TRIM9: variants seen among roughly 807,000 people sequenced by gnomAD.
TRIM9 encodes tripartite motif containing 9.
In TRIM9, 26 loss-of-function variants were observed where a neutral mutation model predicts 78.3. The ratio of observed to expected loss-of-function variants is 0.33; its 90% CI spans 0.24 to 0.46. The LOEUF is 0.46. TRIM9 is among the 20% of genes least tolerant of loss of function. The pLI is 1.00. For missense variants in TRIM9, 787 were observed against 1,036.4 expected (o/e 0.76, Z 3.30); for synonymous variants, 398 against 416.5 (o/e 0.96, Z 0.54).
intron 3 of TRIM9, among the ~76,000 whole-genome samples, chr14:51,020,252 G>C (rs1398736647): frequency 6.6e-6 from 1 of 152,188 alleles, no homozygotes; most frequent in Non-Finnish European, 1.5e-5. Context: ...TGACAAGAAA[G>C]GGAAAAGGCA....
chr14:51,063,700 AAAAC>A (rs2061521274), intron 1 of TRIM9, among the ~76,000 whole-genome samples: 1 of 152,170 alleles, frequency 6.6e-6, no homozygotes, highest in Non-Finnish European at 1.5e-5. Flanking sequence ...TTAAAATACT[AAAAC>A]AAAAATAAAA....
intron 1 of TRIM9, among the ~76,000 whole-genome samples, chr14:51,054,436 CTGTTTTT>C (rs1181505579): frequency 1.3e-5 from 1 of 78,190 alleles, no homozygotes; most frequent in Non-Finnish European, 2.6e-5. Context: ...CCATGCCCAG[CTGTTTTT>C]TGTATTTTTT....
At chr14:51,013,741 T>C (rs905037956) in intron 3 of TRIM9, among the ~76,000 whole-genome samples, 4 of 152,244 alleles carry the variant, frequency 2.6e-5, no homozygotes, top group Non-Finnish European at 5.9e-5. Flanking sequence ...TATGTTGGTC[T>C]GGGCTCAATG....
chr14:51,034,595 C>T (rs895416549), intron 1 of TRIM9, among the ~76,000 whole-genome samples: 2 of 152,132 alleles, frequency 1.3e-5, no homozygotes, highest in African/African-American at 4.8e-5. Context: ...AACGCAGTTT[C>T]ACCTCGGGAA....
chr14:51,089,244 A>T (rs2064082013), intron 1 of TRIM9: 1 of 152,232 alleles, frequency 6.6e-6, no homozygotes, highest in Non-Finnish European at 1.5e-5. Flanking sequence ...TAAAACTGAT[A>T]AACAAATGAT....
chr14:51,000,908 A>G, intron 5 of TRIM9, 68 bp from the exon 6 acceptor site: 1 of 1,581,176 alleles, frequency 6.3e-7, no homozygotes, highest in East Asian at 2.2e-5. Context: ...TAGAATGACA[A>G]GCATCCCCCT....
chr14:50,977,667 A>G (rs921401047), intron 12 of TRIM9, among the ~76,000 whole-genome samples: 3 of 152,164 alleles, frequency 2.0e-5, no homozygotes, highest in Non-Finnish European at 4.4e-5. Flanking sequence ...AGAGGAGCCT[A>G]CTGGCCACAC....
intron 7 of TRIM9, among the ~76,000 whole-genome samples, chr14:50,994,124 G>A (rs2053892442): frequency 6.6e-6 from 1 of 152,216 alleles, no homozygotes; most frequent in Non-Finnish European, 1.5e-5. Context: ...AAGGCAGGTA[G>A]GGGCTACATG....
chr14:51,038,466 C>T (rs985004308), intron 1 of TRIM9, among the ~76,000 whole-genome samples: 1 of 152,116 alleles, frequency 6.6e-6, no homozygotes, highest in Non-Finnish European at 1.5e-5. Context: ...TGGCGGTGGT[C>T]GGATTGCTTC....
chr14:51,066,413 T>A (rs1464843296), intron 1 of TRIM9, among the ~76,000 whole-genome samples: 1 of 152,194 alleles, frequency 6.6e-6, no homozygotes, highest in Non-Finnish European at 1.5e-5. Context: ...GAGAACATTC[T>A]GCTCTTCTTC....
At chr14:50,985,832 G>A (rs2052634115) in intron 8 of TRIM9, 124 bp downstream of exon 8, 4 of 872,708 alleles carry the variant, frequency 4.6e-6, no homozygotes, top group South Asian at 6.9e-5. Context: ...CGGAAAGCAG[G>A]CCACAGACAG....
chr14:51,009,976 C>T (rs1281066771), intron 4 of TRIM9, among the ~76,000 whole-genome samples: 2 of 152,158 alleles, frequency 1.3e-5, no homozygotes, highest in Non-Finnish European at 2.9e-5. Flanking sequence ...AGAAGGTAGA[C>T]ATCTTACAAA....
chr14:51,047,121 T>G (rs11622225), intron 1 of TRIM9, among the ~76,000 whole-genome samples: 29,794 of 152,124 alleles, frequency 0.2, 3,289 homozygotes, highest in Non-Finnish European at 0.25. Flanking sequence ...CTGCTTGAGC[T>G]GGGGTTGACA....
At chr14:51,041,514 A>G (rs967742629) in intron 1 of TRIM9, among the ~76,000 whole-genome samples, 2 of 152,236 alleles carry the variant, frequency 1.3e-5, no homozygotes, top group Non-Finnish European at 2.9e-5. Context: ...GTTTTAAAGC[A>G]TCTCATAGCA....
At chr14:50,983,563 T>C in intron 8 of TRIM9, 142 bp from the exon 9 acceptor site, 1 of 491,846 alleles carries the variant, frequency 2.0e-6, no homozygotes, top group Non-Finnish European at 3.3e-6. Flanking sequence ...TTATATTATT[T>C]AGTTTGTTGG....
At chr14:51,089,429 A>G (rs1197008128) in intron 1 of TRIM9, 1 of 152,216 alleles carries the variant, frequency 6.6e-6, no homozygotes, top group Non-Finnish European at 1.5e-5. Flanking sequence ...TTCCCTGTAC[A>G]TTATTTTCAT....
chr14:51,088,375 C>A (rs1436737693), intron 1 of TRIM9, among the ~76,000 whole-genome samples: 1 of 152,096 alleles, frequency 6.6e-6, no homozygotes, highest in Non-Finnish European at 1.5e-5. Context: ...ATACAATATA[C>A]AATGTGAACT....
At chr14:51,049,122 C>T (rs924936764) in intron 1 of TRIM9, among the ~76,000 whole-genome samples, 4 of 152,158 alleles carry the variant, frequency 2.6e-5, no homozygotes, top group African/African-American at 7.2e-5. Context: ...CATGCAGAAG[C>T]GCAGTCCCGG....
chr14:50,983,478 T>C, intron 8 of TRIM9, 57 bp from the exon 9 acceptor site: 1 of 1,369,166 alleles, frequency 7.3e-7, no homozygotes, highest in Non-Finnish European at 1.0e-6. Flanking sequence ...TGATAAAAAT[T>C]ACTTGTATAC....
Sources: gnomAD v4.1 joint callset for allele counts (sites outside exome capture counted in the v4.1 genomes callset) on GRCh38, gnomAD v4.1.1 for gene constraint, MANE v1.5 for transcripts, NCBI Gene and HGNC (gene_info 2026-07-23, HGNC 2026-07-21) for gene names.